Variants in FBN1 observed in about 807,000 individuals in gnomAD.
FBN1 encodes fibrillin-1.
FBN1 carries 29 observed loss-of-function variants against 365.1 expected under a neutral mutation model. The observed-to-expected ratio is 0.08, with a 90% CI of 0.06 to 0.11. The LOEUF is 0.11. Ranked by LOEUF, FBN1 falls within the 10% of genes least tolerant of loss-of-function variation. The probability of loss-of-function intolerance (pLI) is 1.00; values close to 1 mark genes in which losing one functional copy is unlikely to be tolerated. For missense variants in FBN1, 2,476 were observed against 3,703.2 expected (o/e 0.67, Z 8.60); for synonymous variants, 1,210 against 1,270.5 (o/e 0.95, Z 1.01).
intron 10 of FBN1, 146 bp downstream of exon 10, chr15:48,520,513 G>T: frequency 1.1e-6 from 1 of 923,826 alleles, no homozygotes; most frequent in Non-Finnish European, 1.6e-6. Flanking sequence ...GCATTTTCTA[G>T]GGAAATTTCC....
At chr15:48,535,799 T>C (rs1431344361) in intron 7 of FBN1, among the ~76,000 whole-genome samples, 2 of 152,234 alleles carry the variant, frequency 1.3e-5, no homozygotes, top group East Asian at 3.8e-4. Flanking sequence ...AATCATTAAA[T>C]TATGTTTTCT....
At chr15:48,529,337 C>T (rs980135552) in intron 8 of FBN1, 1 of 152,538 alleles carries the variant, frequency 6.6e-6, no homozygotes, top group Non-Finnish European at 1.5e-5. Context: ...AGATCTCTTC[C>T]TTCCTTATTC....
At chr15:48,452,862 C>T (rs961810172) in intron 44 of FBN1, among the ~76,000 whole-genome samples, 178 bp from the exon 45 acceptor site, 1 of 152,086 alleles carries the variant, frequency 6.6e-6, no homozygotes. Flanking sequence ...AGATGTCCTT[C>T]GATAGGTGAA....
chr15:48,539,185 C>T (rs1427609444), intron 6 of FBN1, among the ~76,000 whole-genome samples: 1 of 152,156 alleles, frequency 6.6e-6, no homozygotes, highest in Non-Finnish European at 1.5e-5. Context: ...TCCATCTGCT[C>T]CCCATCACTA....
Position 48,495,113 on chromosome 15 carries a change from T to C in FBN1, c.2677+10A>G, listed in dbSNP as rs1228102475. ...AGTGGTATAGGAACCACAGCATGGG[T>C]TTCTCTTACCAACTTGGCATAGGGT... On this transcript the variant is annotated intron_variant, in intron 22 of 65. Coordinates refer to ENST00000316623, the MANE Select transcript of FBN1 (RefSeq NM_000138.5). The C allele has an allele frequency of 6.2e-7, 1 of 1,613,840 alleles. No homozygotes were observed. The highest frequency in any genetic ancestry group is 1.7e-5 in the Admixed American group (1 of 59,988).
At chr15:48,629,929 G>A (rs1889952983) in intron 2 of FBN1, among the ~76,000 whole-genome samples, 1 of 152,174 alleles carries the variant, frequency 6.6e-6, no homozygotes, top group African/African-American at 2.4e-5. Context: ...TTCCTGAGAG[G>A]GAGGGGACCC....
intron 29 of FBN1, among the ~76,000 whole-genome samples, chr15:48,486,472 G>A (rs991859871): frequency 6.6e-6 from 1 of 152,174 alleles, no homozygotes; most frequent in African/African-American, 2.4e-5. Context: ...TTCACAGCAC[G>A]ACTAAACCTA....
At chr15:48,584,260 C>T (rs1430405049) in intron 6 of FBN1, among the ~76,000 whole-genome samples, 2 of 152,028 alleles carry the variant, frequency 1.3e-5, no homozygotes, top group Non-Finnish European at 2.9e-5. Context: ...GAAACTGTGC[C>T]TGAGAGACAT....
chr15:48,458,627 G>A (rs143991698), intron 43 of FBN1, among the ~76,000 whole-genome samples: 186 of 152,096 alleles, frequency 1.2e-3, no homozygotes, highest in Middle Eastern at 0.01. Context: ...TAACAATAAC[G>A]GGCTGAGTCT....
intron 8 of FBN1, among the ~76,000 whole-genome samples, chr15:48,526,781 G>A (rs2043918537): frequency 6.6e-6 from 1 of 152,104 alleles, no homozygotes; most frequent in South Asian, 2.1e-4. Context: ...CCATTATGAT[G>A]GTCTTCTGTG....
At chr15:48,460,196 A>C in intron 43 of FBN1, 50 bp downstream of exon 43, 3 of 1,390,902 alleles carry the variant, frequency 2.2e-6, no homozygotes, top group Middle Eastern at 1.8e-4. Context: ...AAATAATGCT[A>C]ACACAAAGGC....
At chr15:48,642,519 G>A (rs1044671470) in intron 2 of FBN1, 3 of 152,082 alleles carry the variant, frequency 2.0e-5, no homozygotes, top group African/African-American at 4.8e-5. Context: ...ACACACATGT[G>A]TATGTATACA....
intron 60 of FBN1, among the ~76,000 whole-genome samples, chr15:48,424,942 C>A (rs1370735885): frequency 1.3e-5 from 2 of 152,216 alleles, no homozygotes. Context: ...GCATCTAATT[C>A]ATTAGGCACA....
At chr15:48,488,906 C>T (rs1403642541) in intron 25 of FBN1, among the ~76,000 whole-genome samples, 1 of 152,046 alleles carries the variant, frequency 6.6e-6, no homozygotes, top group Non-Finnish European at 1.5e-5. Flanking sequence ...GAGATATTCA[C>T]TTAATACTGT....
In FBN1 at chr15:48,437,875, T is replaced by C. The variant is rs2043085446; in HGVS notation, c.6206A>G (p.Lys2069Arg). ...SYCYAKFEGG[K>R]CSSPKSRNHS... is the part of the protein sequence containing the mutation. ...ATTTCTGGATTTGGGTGATGAACAC[T>C]TTCCTCCTTCAAACTTCGCATAACA... Residue 2069 changes from lysine (K) to arginine (R), a missense_variant, in exon 51 of 66, where the codon AAG becomes AGG. This residue lies in a region of FBN1 where 1,780 missense variants were observed against 2,840.8 expected (regional missense o/e 0.63). Coordinates refer to ENST00000316623, the MANE Select transcript of FBN1 (RefSeq NM_000138.5). 1.9e-6 allele frequency: 3 copies of C among 1,613,900 alleles called. No homozygotes were observed. The highest frequency in any genetic ancestry group is 1.1e-5 in the South Asian group (1 of 91,086).
At chr15:48,505,479 T>A (rs536990171) in intron 15 of FBN1, among the ~76,000 whole-genome samples, 1 of 152,302 alleles carries the variant, frequency 6.6e-6, no homozygotes, top group Non-Finnish European at 1.5e-5. Context: ...GTGAAATGTA[T>A]AACCAGGGTA....
At chr15:48,442,629 TC>T (rs1172184871) in intron 49 of FBN1, among the ~76,000 whole-genome samples, 1 of 152,118 alleles carries the variant, frequency 6.6e-6, no homozygotes, top group Non-Finnish European at 1.5e-5. Context: ...TAACCATATG[TC>T]CTAGTTTGCC....
chr15:48,420,887 C>A, intron 62 of FBN1, 81 bp from the exon 63 acceptor site: 1 of 1,485,420 alleles, frequency 6.7e-7, no homozygotes, highest in Non-Finnish European at 9.3e-7. Context: ...GAAATCTGGC[C>A]CCTACACATC....
chr15:48,426,880 A>C (rs1355589234), intron 58 of FBN1, among the ~76,000 whole-genome samples: 2 of 151,982 alleles, frequency 1.3e-5, no homozygotes, highest in African/African-American at 4.8e-5. Flanking sequence ...CTTCAGCCAC[A>C]TCTTTCCAAT....
Sources: gnomAD v4.1 joint callset for allele counts (sites outside exome capture counted in the v4.1 genomes callset) on GRCh38, gnomAD v4.1.1 for gene constraint, gnomAD v4.1.1 regional missense constraint, MANE v1.5 for transcripts, NCBI Gene and HGNC (gene_info 2026-07-23, HGNC 2026-07-21) for gene names.